The following ARL15 variants were observed in gnomAD, a reference collection of about 807,000 sequenced individuals.
ARL15 encodes the protein ADP-ribosylation factor-like protein 15.
In ARL15, 19 loss-of-function variants were observed where a neutral mutation model predicts 25.2. The ratio of observed to expected loss-of-function variants is 0.75; its 90% CI spans 0.53 to 1.10. The LOEUF is 1.10. Ranked by LOEUF, ARL15 falls within the 50% of genes least tolerant of loss-of-function variation. The pLI, the probability that ARL15 is intolerant of heterozygous loss-of-function variation, is 0.00. For missense variants in ARL15, 220 were observed against 246.0 expected, an observed-to-expected ratio of 0.89 and a Z score of 0.71; for synonymous variants, 94 against 86.8, an observed-to-expected ratio of 1.08 and a Z score of -0.46.
At chr5:54,096,639 G>C (rs1752296061) in intron 4 of ARL15, among the ~76,000 whole-genome samples, 1 of 152,184 alleles carries the variant, frequency 6.6e-6, no homozygotes, top group Non-Finnish European at 1.5e-5. Flanking sequence ...TCAAACTCCT[G>C]ACCTCAAGTG....
chr5:53,966,296 C>T (rs531393226), intron 4 of ARL15, among the ~76,000 whole-genome samples: 1 of 152,252 alleles, frequency 6.6e-6, no homozygotes, highest in South Asian at 2.1e-4. Context: ...TGGAGGTTCC[C>T]AGAAGGTTGT....
chr5:54,121,739 CTCTGCCACATATCA>C (rs1469590075), intron 3 of ARL15, among the ~76,000 whole-genome samples: 1 of 152,132 alleles, frequency 6.6e-6, no homozygotes, highest in Admixed American at 6.5e-5. Context: ...CAAAGCCTGG[CTCTGCCACATATCA>C]TCTAAGTAAC....
At chr5:53,955,007 C>G (rs908422265) in intron 4 of ARL15, among the ~76,000 whole-genome samples, 1 of 151,734 alleles carries the variant, frequency 6.6e-6, no homozygotes, top group Non-Finnish European at 1.5e-5. Flanking sequence ...CACTGAAATG[C>G]ACATCTCCTG....
intron 3 of ARL15, among the ~76,000 whole-genome samples, chr5:54,120,665 A>C (rs946722493): frequency 6.6e-6 from 1 of 152,322 alleles, no homozygotes; most frequent in Admixed American, 6.5e-5. Context: ...ATGTTTTTTA[A>C]GCAGCTAATT....
At chr5:53,982,794 T>G (rs1365296729) in intron 4 of ARL15, among the ~76,000 whole-genome samples, 2 of 152,288 alleles carry the variant, frequency 1.3e-5, no homozygotes, top group East Asian at 3.9e-4. Context: ...TAATTTACAC[T>G]CCCACCAACA....
At chr5:53,959,836 C>T (rs577364967) in intron 4 of ARL15, among the ~76,000 whole-genome samples, 1 of 152,272 alleles carries the variant, frequency 6.6e-6, no homozygotes, top group African/African-American at 2.4e-5. Flanking sequence ...GTAACTCCCA[C>T]ACTTAGCACT....
chr5:53,946,275 G>A (rs776500258), intron 4 of ARL15, among the ~76,000 whole-genome samples: 3 of 151,884 alleles, frequency 2.0e-5, no homozygotes, highest in African/African-American at 7.3e-5. Flanking sequence ...CCAACATGGC[G>A]AAGCCCCATC....
intron 4 of ARL15, among the ~76,000 whole-genome samples, chr5:53,963,858 G>A (rs981454200): frequency 6.7e-6 from 1 of 148,750 alleles, no homozygotes; most frequent in Non-Finnish European, 1.5e-5. Flanking sequence ...CATACACAGA[G>A]TAACTTGAAT....
Position 54,171,940 on chromosome 5 carries a change from A to AG in ARL15, c.49-13dup, listed in dbSNP as rs2112401758. 1 of 1,605,456 alleles carries AG rather than the reference A, an allele frequency of 6.2e-7. No homozygotes were observed. Among genetic ancestry groups the AG allele is most frequent in the Non-Finnish European group, 8.5e-7 (1 of 1,174,198 alleles). On this transcript the variant is annotated splice_polypyrimidine_tract_variant and intron_variant, in intron 1 of 4. Coordinates refer to ENST00000504924, the MANE Select transcript of ARL15 (RefSeq NM_019087.3). ...AGTGCTCTAAAACACTGCCAAAAGA[A>AG]GGGGAAAAAAATGTTCCTTTAAATG...
chr5:54,035,173 C>A (rs1750131371), intron 4 of ARL15, among the ~76,000 whole-genome samples: 1 of 151,926 alleles, frequency 6.6e-6, no homozygotes, highest in African/African-American at 2.4e-5. Context: ...GAATCATATT[C>A]CTCAGTTATC....
At chr5:54,179,884 G>T (rs1054462383) in intron 1 of ARL15, among the ~76,000 whole-genome samples, 1 of 151,876 alleles carries the variant, frequency 6.6e-6, no homozygotes, top group East Asian at 1.9e-4. Flanking sequence ...CAGGTGTAGT[G>T]GTGTGTGCCC....
intron 4 of ARL15, among the ~76,000 whole-genome samples, chr5:53,987,534 A>G (rs1748336927): frequency 6.6e-6 from 1 of 150,628 alleles, no homozygotes; most frequent in Admixed American, 6.6e-5. Context: ...GTATCTTATC[A>G]TCTTTAAAGA....
chr5:53,977,226 G>A (rs1489075157), intron 4 of ARL15, among the ~76,000 whole-genome samples: 3 of 151,870 alleles, frequency 2.0e-5, no homozygotes, highest in South Asian at 2.1e-4. Flanking sequence ...GCGTGGTGGC[G>A]GGCGCCTGTA....
intron 4 of ARL15, among the ~76,000 whole-genome samples, chr5:53,901,748 G>A (rs929404296): frequency 6.6e-6 from 1 of 152,110 alleles, no homozygotes; most frequent in Non-Finnish European, 1.5e-5. Context: ...AGGTTAAAGA[G>A]CATATGAAAA....
intron 4 of ARL15, among the ~76,000 whole-genome samples, chr5:53,951,802 C>T (rs1397332852): frequency 6.6e-6 from 1 of 150,756 alleles, no homozygotes; most frequent in African/African-American, 2.4e-5. Context: ...TTACCAGCTA[C>T]CACATTATAT....
intron 2 of ARL15, among the ~76,000 whole-genome samples, chr5:54,167,961 G>C (rs115072371): frequency 6.6e-6 from 1 of 152,008 alleles, no homozygotes; most frequent in Non-Finnish European, 1.5e-5. Context: ...TTAGACTTAC[G>C]TTTACCTTAT....
intron 1 of ARL15, among the ~76,000 whole-genome samples, chr5:54,235,041 C>G (rs1756766785): frequency 2.6e-5 from 4 of 152,152 alleles, no homozygotes; most frequent in Non-Finnish European, 5.9e-5. Context: ...ATAATCTGTT[C>G]AAATTATGTC....
At chr5:53,991,542 CAA>C (rs760743257) in intron 4 of ARL15, among the ~76,000 whole-genome samples, 7 of 40,672 alleles carry the variant, frequency 1.7e-4, no homozygotes, top group Middle Eastern at 0.018. Flanking sequence ...AACTCCATCT[CAA>C]AAAAAAAAAA....
At chr5:53,958,411 A>T (rs1009270192) in intron 4 of ARL15, among the ~76,000 whole-genome samples, 1 of 152,186 alleles carries the variant, frequency 6.6e-6, no homozygotes, top group Non-Finnish European at 1.5e-5. Flanking sequence ...AAGCACTAGG[A>T]AAATGTCTTT....
Sources: gnomAD v4.1 joint callset for allele counts (sites outside exome capture counted in the v4.1 genomes callset) on GRCh38, gnomAD v4.1.1 for gene constraint, MANE v1.5 for transcripts, NCBI Gene and HGNC (gene_info 2026-07-23, HGNC 2026-07-21) for gene names.